The following CEACAM1 variants were observed in gnomAD, a reference collection of about 807,000 sequenced individuals.
The protein encoded by CEACAM1 is CEA cell adhesion molecule 1.
A neutral mutation model predicts 49.1 loss-of-function variants in CEACAM1; 31 were observed. The ratio of observed to expected loss-of-function variants is 0.63; its 90% confidence interval spans 0.47 to 0.85. The LOEUF (loss-of-function observed/expected upper bound fraction) is 0.85, where lower values mean the gene tolerates loss of function less well. Among genes scored for constraint, CEACAM1 ranks in the 40% least tolerant of loss-of-function variants. CEACAM1 has a pLI of 0.00. For missense variants in CEACAM1, 570 were observed against 645.3 expected (o/e 0.88, Z 1.26); for synonymous variants, 244 against 247.8 (o/e 0.98, Z 0.14).
Position 42,509,031 on chromosome 19 carries a change from C to A in CEACAM1, c.*78G>T. 6.4e-7 allele frequency: 1 copy of A among 1,569,990 alleles called. No homozygotes were observed. The highest frequency in any genetic ancestry group is 1.7e-5 in the Admixed American group (1 of 59,372). On this transcript the variant is annotated 3_prime_UTR_variant, in exon 9 of 9. Coordinates refer to ENST00000161559, the MANE Select transcript of CEACAM1 (RefSeq NM_001712.5). Reference sequence around the variant, plus strand: ...TTCTGTCCCCACCCCTCTACCCCTACAGGGGAAAGGAATCTCCTAGTGATG... The same window carrying A: ...TTCTGTCCCCACCCCTCTACCCCTAAAGGGGAAAGGAATCTCCTAGTGATG...
chr19:42,513,350 G>A (rs528175223), intron 5 of CEACAM1, among the ~76,000 whole-genome samples: 13 of 152,246 alleles, frequency 8.5e-5, no homozygotes, highest in African/African-American at 3.1e-4. Flanking sequence ...TGTAATCCCA[G>A]AACTTTGGGA....
chr19:42,514,362 C>A (rs1255311739), intron 5 of CEACAM1, among the ~76,000 whole-genome samples: 1 of 152,038 alleles, frequency 6.6e-6, no homozygotes, highest in Non-Finnish European at 1.5e-5. Flanking sequence ...AACTCCCGAC[C>A]TCAGGTGACC....
rs199595296 is a variant in CEACAM1, at chr19:42,510,896, G to A, written c.1454C>T (p.Pro485Leu). The A allele has an allele frequency of 1.0e-4, 169 of 1,613,802 alleles. No individual in the cohort carries two copies. In the East Asian group the frequency reaches 3.7e-3, roughly 35 times the overall value. ...AAAACCGGCTATGCTTACCTTGTTA[G>A]GTGGGTCATTGGAGTGGTCCTGAGC... ...NHTQDHSNDP[P>L]NKMNEVTYST... The change falls in exon 8 of 9, where the codon CCT (proline) becomes CTT (leucine). Residue 485 changes from proline to leucine, a missense_variant. Pro to Leu is a moderately conservative substitution (Grantham distance 98, BLOSUM62 -3). Transcript: ENST00000161559.
Position 42,512,442 on chromosome 19 carries a change from C to T in CEACAM1, c.1284G>A (p.Gly428=). 6.2e-7 allele frequency: 1 copy of T among 1,613,990 alleles called. No individual in the cohort carries two copies. Among genetic ancestry groups the T allele is most frequent in the Non-Finnish European group, 8.5e-7 (1 of 1,179,928 alleles). Residue 428 remains glycine, a synonymous_variant, in exon 6 of 9, where the codon GGG becomes GGA. Coordinates refer to ENST00000161559, the MANE Select transcript of CEACAM1 (RefSeq NM_001712.5). ...CTCCAATCACAATGCCAGCAATGGCCCCAGGTGAGAGGCCATTTTCTTGTG... is the reference window on the plus strand; with the variant it reads ...CTCCAATCACAATGCCAGCAATGGCTCCAGGTGAGAGGCCATTTTCTTGTG... ...ALPQENGLSP[G]AIAGIVIGVV...
chr19:42,513,460 G>A (rs764508730), intron 5 of CEACAM1, among the ~76,000 whole-genome samples: 11 of 151,984 alleles, frequency 7.2e-5, no homozygotes, highest in African/African-American at 2.4e-4. Context: ...AGCTGGGTGC[G>A]GTGGCAGGTG....
chr19:42,512,437 A>G lies in CEACAM1; in HGVS notation c.1289T>C (p.Ile430Thr), dbSNP rs759932672. 3.3e-5 allele frequency: 53 copies of G among 1,613,950 alleles called. 1 individual carries two copies. The Middle Eastern group carries it at 4.9e-4, about 15-fold the overall frequency. ...CACTACTCCAATCACAATGCCAGCA[A>G]TGGCCCCAGGTGAGAGGCCATTTTC... ...PQENGLSPGA[I>T]AGIVIGVVAL... Residue 430 changes from isoleucine to threonine, a missense_variant, in exon 6 of 9, where the codon ATT becomes ACT. By Grantham distance (89) the Ile-to-Thr change is moderately conservative (BLOSUM62 -1). Coordinates refer to ENST00000161559, the MANE Select transcript of CEACAM1 (RefSeq NM_001712.5).
At chr19:42,524,084 T>C (rs2041827994) in intron 2 of CEACAM1, among the ~76,000 whole-genome samples, 1 of 152,232 alleles carries the variant, frequency 6.6e-6, no homozygotes, top group South Asian at 2.1e-4. Context: ...TCATGTGAAA[T>C]GCTTTCTTCC....
At chr19:42,523,471 A>C (rs1365440273) in intron 2 of CEACAM1, among the ~76,000 whole-genome samples, 1 of 152,250 alleles carries the variant, frequency 6.6e-6, no homozygotes, top group Non-Finnish European at 1.5e-5. Flanking sequence ...TGAGGGTGAC[A>C]GGCAGGGGCT....
chr19:42,518,588 C>A, intron 5 of CEACAM1: 1 of 256,038 alleles, frequency 3.9e-6, no homozygotes, highest in South Asian at 4.1e-5. Flanking sequence ...AGCTCCGCCT[C>A]CCAGGTTCAC....
intron 1 of CEACAM1, chr19:42,527,646 C>T: frequency 4.1e-6 from 2 of 484,842 alleles, no homozygotes; most frequent in Non-Finnish European, 7.0e-6. Flanking sequence ...CCGCATGGCT[C>T]CCTCCCCACT....
chr19:42,517,393 A>T (rs898525532), intron 5 of CEACAM1, among the ~76,000 whole-genome samples: 11 of 152,244 alleles, frequency 7.2e-5, no homozygotes, highest in Admixed American at 6.5e-4. Context: ...AAGACTTCTT[A>T]TAGAATGGGA....
intron 5 of CEACAM1, among the ~76,000 whole-genome samples, chr19:42,518,172 C>T (rs1327337830): frequency 6.6e-6 from 1 of 152,046 alleles, no homozygotes; most frequent in Non-Finnish European, 1.5e-5. Context: ...TTCCTGTAAT[C>T]CCAGCACTTT....
chr19:42,516,406 A>G (rs547901898), intron 5 of CEACAM1, among the ~76,000 whole-genome samples: 1 of 152,314 alleles, frequency 6.6e-6, no homozygotes, highest in South Asian at 2.1e-4. Context: ...AATTCTATTT[A>G]TAAGAGCTTT....
At position 42,520,834 on chromosome 19, in the gene CEACAM1, AT is replaced by A. The variant is rs549087503; in HGVS notation, c.958+432del. On this transcript the variant is annotated intron_variant, in intron 4 of 8. Coordinates refer to ENST00000161559, the MANE Select transcript of CEACAM1 (RefSeq NM_001712.5). ...GAGCTGCTCATCCCTGATGAAGGGC[AT>A]TTCCTTCTCTCATTTAGGGAAAACT... 28 of 188,814 alleles carry A rather than the reference AT, an allele frequency of 1.5e-4. No homozygotes were observed. The South Asian group carries it at 2.8e-3, about 19-fold the overall frequency. 11.7% of individuals were successfully genotyped at this position (188,814 alleles called of 1,614,324 possible).
rs751100703 is a variant in CEACAM1, at chr19:42,528,377, T to C, written c.-3A>G. 3.1e-6 allele frequency: 5 copies of C among 1,613,804 alleles called. No homozygotes were observed. The highest frequency in any genetic ancestry group is 2.5e-6 in the Non-Finnish European group (3 of 1,179,838). ...AGTGGGGCTGAGAGGTGCCCCATGG[T>C]GTCTCCTGCTGGCCCTGTCTTCACC... On this transcript the variant is annotated 5_prime_UTR_variant, in exon 1 of 9. Coordinates refer to ENST00000161559, the MANE Select transcript of CEACAM1 (RefSeq NM_001712.5).
chr19:42,512,234 A>T (rs2041475759), intron 6 of CEACAM1, 116 bp downstream of exon 6: 1 of 1,178,514 alleles, frequency 8.5e-7, no homozygotes, highest in Admixed American at 2.2e-5. Flanking sequence ...GAGAAGCAGG[A>T]GTTTAGTGGG....
intron 5 of CEACAM1, among the ~76,000 whole-genome samples, chr19:42,513,249 T>C (rs1470976215): frequency 6.6e-6 from 1 of 152,176 alleles, no homozygotes; most frequent in Non-Finnish European, 1.5e-5. Flanking sequence ...GACTGTTTTA[T>C]TCTGAAGTGT....
At chr19:42,509,657 C>T (rs1271179791) in intron 8 of CEACAM1, among the ~76,000 whole-genome samples, 2 of 151,558 alleles carry the variant, frequency 1.3e-5, no homozygotes, top group Admixed American at 6.6e-5. Flanking sequence ...GACGGAGTCT[C>T]GCTCTGTCGC....
chr19:42,521,945 G>A lies in CEACAM1; in HGVS notation c.682C>T (p.Pro228Ser), dbSNP rs1301575538. 1.9e-6 allele frequency: 3 copies of A among 1,614,230 alleles called. No homozygotes were observed. In the South Asian group the frequency reaches 3.3e-5, roughly 18 times the overall value. The change falls in exon 3 of 9, where the codon CCA becomes TCA. Residue 228 changes from proline (P) to serine (S), a missense_variant. Transcript: ENST00000161559. ...QNPVSANRSD[P>S]VTLNVTYGPD... is the part of the protein sequence containing the mutation. ...TCACAGGTGACATTCAAGGTGACTG[G>A]GTCACTGCGGTTCGCACTCACTGGG... is the stretch of plus-strand genomic sequence containing the variant.
Sources: gnomAD v4.1 joint callset for allele counts (sites outside exome capture counted in the v4.1 genomes callset) on GRCh38, gnomAD v4.1.1 for gene constraint, MANE v1.5 for transcripts, NCBI Gene and HGNC (gene_info 2026-07-23, HGNC 2026-07-21) for gene names.